Variants in SPTB observed in about 807,000 individuals in gnomAD.
SPTB encodes spectrin beta, erythrocytic, also known as spectrin beta chain, erythrocytic.
A neutral mutation model predicts 256.2 loss-of-function variants in SPTB; 45 were observed. The observed-to-expected ratio is 0.18, with a 90% confidence interval of 0.14 to 0.23. The LOEUF (loss-of-function observed/expected upper bound fraction) is 0.23, where lower values mean the gene tolerates loss of function less well. SPTB is among the 10% of genes least tolerant of loss of function. The probability of loss-of-function intolerance (pLI) is 1.00; values close to 1 mark genes in which losing one functional copy is unlikely to be tolerated. For missense variants in SPTB, 2,715 were observed against 3,040.4 expected (o/e 0.89, Z 2.52); for synonymous variants, 1,231 against 1,243.1 (o/e 0.99, Z 0.21).
intron 2 of SPTB, among the ~76,000 whole-genome samples, chr14:64,809,656 T>G (rs1259239742): frequency 6.6e-6 from 1 of 152,210 alleles, no homozygotes; most frequent in East Asian, 1.9e-4. Flanking sequence ...TGTGGAAAGC[T>G]TTGAATGAGA....
chr14:64,836,963 G>T (rs1010960072), intron 1 of SPTB, among the ~76,000 whole-genome samples: 20 of 152,170 alleles, frequency 1.3e-4, no homozygotes, highest in Non-Finnish European at 1.6e-4. Context: ...GGTGAGAAAC[G>T]GCTGGTCAGA....
chr14:64,791,913 G>C (rs2082682100), intron 14 of SPTB, 57 bp from the exon 15 acceptor site: 1 of 1,609,460 alleles, frequency 6.2e-7, no homozygotes, highest in Non-Finnish European at 8.5e-7. Flanking sequence ...ACATTTCCTT[G>C]CCAGTGGCAC....
At position 64,845,917 on chromosome 14, in the gene SPTB, C is replaced by T. The variant is rs574010512; in HGVS notation, c.-51-22772G>A. Among the ~76,000 whole-genome samples the T allele has an allele frequency of 6.6e-6, 1 of 152,286 alleles. No homozygotes were observed. Among genetic ancestry groups the T allele is most frequent in the South Asian group, 2.1e-4 (1 of 4,824 alleles). On this transcript the variant is annotated intron_variant, in intron 1 of 35. Transcript: ENST00000644917. The surrounding 1 kb of genome is among the most constrained non-coding windows in gnomAD (Gnocchi z 4.8). ...GACTTTCCAAAAAAAACCCGCTCTACATTTTATGCATAAAGTAGGTAGAGT... is the reference window on the plus strand; with the variant it reads ...GACTTTCCAAAAAAAACCCGCTCTATATTTTATGCATAAAGTAGGTAGAGT...
At chr14:64,878,629 G>A (rs183398927) in intron 1 of SPTB, among the ~76,000 whole-genome samples, 199 of 152,222 alleles carry the variant, frequency 1.3e-3, no homozygotes, top group Admixed American at 3.9e-3. Flanking sequence ...TCATTAGGGA[G>A]CCGCCTGAAT....
chr14:64,794,886 T>C (rs1439595485), intron 12 of SPTB, among the ~76,000 whole-genome samples: 1 of 152,214 alleles, frequency 6.6e-6, no homozygotes, highest in Non-Finnish European at 1.5e-5. Context: ...GGCCTGGCCA[T>C]GTGTATTTTC....
At position 64,779,196 on chromosome 14, in the gene SPTB, A is replaced by T. The variant is rs778282106; in HGVS notation, c.4524T>A (p.Thr1508=). Residue 1508 remains threonine (T), a synonymous_variant, in exon 22 of 36, where the codon ACT becomes ACA. Transcript: ENST00000644917. This position sits in a 1 kb window ranked among gnomAD's most constrained non-coding sequence, Gnocchi z 4.2. ...TGAACAGTTGCACAGTTTGCAGATT[A>T]GTGCCATAGTCGGCTGACTGGGCCA... The part of the protein sequence containing the change: ...LPLAQSADYG[T]NLQTVQLFMK... 1 of 1,614,086 alleles carries T rather than the reference A, an allele frequency of 6.2e-7. No individual in the cohort carries two copies. Among genetic ancestry groups the T allele is most frequent in the East Asian group, 2.2e-5 (1 of 44,876 alleles).
Position 64,764,403 on chromosome 14 carries a change from C to A in SPTB, c.6345+2323G>T, listed in dbSNP as rs569526573. Among the ~76,000 whole-genome samples, 8 of 152,336 alleles carry A rather than the reference C, an allele frequency of 5.3e-5. No individual in the cohort carries two copies. Among genetic ancestry groups the A allele is most frequent in the East Asian group, 1.9e-4 (1 of 5,180 alleles). ...AGCAGCAGGAAATCTGTGCGTGAGG[C>A]CTTGGGTCTGTGTTCGTTTGAGTCA... is the stretch of plus-strand genomic sequence containing the variant. On this transcript the variant is annotated intron_variant, in intron 32 of 35. Coordinates refer to ENST00000644917, the MANE Select transcript of SPTB (RefSeq NM_001355436.2). The surrounding 1 kb of genome is among the most constrained non-coding windows in gnomAD (Gnocchi z 4.2).
In SPTB at chr14:64,747,537, G is replaced by C. The variant is rs1292569401; in HGVS notation, c.*1769C>G. ...ATCGGATGACGTCTTCCTTCCTGTG[G>C]CTCCTGCCTGCTGCAGTTGGTGTCA... is the stretch of plus-strand genomic sequence containing the variant. On this transcript the variant is annotated 3_prime_UTR_variant, in exon 36 of 36. Transcript: ENST00000644917. 6.6e-6 allele frequency: 1 copy of C among 152,506 alleles called. No homozygotes were observed. Among genetic ancestry groups the C allele is most frequent in the East Asian group, 1.9e-4 (1 of 5,192 alleles). 9.4% of individuals were successfully genotyped at this position (152,506 alleles called of 1,614,324 possible).
At chr14:64,776,768 C>T (rs2082364619) in intron 22 of SPTB, among the ~76,000 whole-genome samples, 1 of 152,178 alleles carries the variant, frequency 6.6e-6, no homozygotes, top group African/African-American at 2.4e-5. Flanking sequence ...CCTTTTTAAC[C>T]AATTACTTTC....
rs1278230826 is a variant in SPTB, at chr14:64,793,772, C to A, written c.1891G>T (p.Ala631Ser). The change falls in exon 14 of 36, where the codon GCC becomes TCC. Residue 631 changes from alanine (A) to serine (S), a missense_variant. By Grantham distance (99) the Ala-to-Ser change is moderately conservative. Around this residue, in one of 4 missense-constraint regions of SPTB, gnomAD observed 2,239 missense variants for 2,384.4 expected, o/e 0.94. Transcript: ENST00000644917. The surrounding 1 kb of genome is among the most constrained non-coding windows in gnomAD (Gnocchi z 7.0). ...AGTCGTTTGGACTGCTCCAGTTGGG[C>A]CTTCCGCCCAGCTGCCATGTTGCTC... is the stretch of plus-strand genomic sequence containing the variant. The part of the protein sequence containing the change: ...ELSNMAAGRK[A>S]QLEQSKRLWK... 6 of 1,605,616 alleles carry A rather than the reference C, an allele frequency of 3.7e-6. 1 individual carries two copies. The highest frequency in any genetic ancestry group is 1.7e-4 in the Middle Eastern group (1 of 6,030).
intron 1 of SPTB, among the ~76,000 whole-genome samples, chr14:64,835,001 G>A (rs1307120071): frequency 6.6e-6 from 1 of 152,106 alleles, no homozygotes; most frequent in Non-Finnish European, 1.5e-5. Context: ...TAAGTTATGG[G>A]TGCCAATTTA....
chr14:64,830,056 CCTCT>C (rs369273810), intron 1 of SPTB, among the ~76,000 whole-genome samples: 20 of 152,302 alleles, frequency 1.3e-4, no homozygotes, highest in Middle Eastern at 3.4e-3. Context: ...CCCTGGTCAC[CCTCT>C]CTAAGGTAGC....
At chr14:64,833,566 A>G (rs1360808442) in intron 1 of SPTB, among the ~76,000 whole-genome samples, 1 of 151,156 alleles carries the variant, frequency 6.6e-6, no homozygotes, top group African/African-American at 2.4e-5. Flanking sequence ...AAAAAAAAAG[A>G]AAAGAAACCT....
chr14:64,855,710 G>A (rs1409457784), intron 1 of SPTB, among the ~76,000 whole-genome samples: 1 of 152,198 alleles, frequency 6.6e-6, no homozygotes, highest in Non-Finnish European at 1.5e-5. Context: ...CAAAATTCAT[G>A]AAAAATAAAT....
In SPTB at chr14:64,779,893, C is replaced by A. The variant is rs577158996; in HGVS notation, c.4305G>T (p.Leu1435=). 1.9e-5 allele frequency: 30 copies of A among 1,614,028 alleles called. No homozygotes were observed. The highest frequency in any genetic ancestry group is 2.5e-5 in the Non-Finnish European group (30 of 1,179,934). The change falls in exon 21 of 36, where the codon CTG becomes CTT. Residue 1435 remains leucine (L), a synonymous_variant. Coordinates refer to ENST00000644917, the MANE Select transcript of SPTB (RefSeq NM_001355436.2). This position sits in a 1 kb window ranked among gnomAD's most constrained non-coding sequence, Gnocchi z 4.2. ...EDQVNVRKEE[L]GELFAQVPSM... Reference sequence around the variant, plus strand: ...AAGGCACCTGGGCAAACAGCTCCCCCAGCTCCTCTTTTCGCACATTCACTT... The same window carrying A: ...AAGGCACCTGGGCAAACAGCTCCCCAAGCTCCTCTTTTCGCACATTCACTT...
At chr14:64,788,529 G>A (rs1193396451) in intron 15 of SPTB, among the ~76,000 whole-genome samples, 1 of 152,150 alleles carries the variant, frequency 6.6e-6, no homozygotes, top group Non-Finnish European at 1.5e-5. Context: ...GTGCCTGTCT[G>A]GCACACAGAT....
intron 32 of SPTB, chr14:64,763,939 C>T: frequency 3.9e-6 from 2 of 511,992 alleles, no homozygotes; most frequent in East Asian, 5.5e-5. Flanking sequence ...GGGTGCCACC[C>T]TGTGGTGTGC....
At chr14:64,803,212 G>A (rs1347770708) in intron 4 of SPTB, among the ~76,000 whole-genome samples, 1 of 152,178 alleles carries the variant, frequency 6.6e-6, no homozygotes, top group Non-Finnish European at 1.5e-5. Flanking sequence ...AGGGTGAGAA[G>A]AGAAAAGTTT....
chr14:64,877,087 C>T (rs922518313), intron 1 of SPTB, among the ~76,000 whole-genome samples: 1 of 151,812 alleles, frequency 6.6e-6, no homozygotes, highest in African/African-American at 2.4e-5. Flanking sequence ...TCCTATCACA[C>T]TGTCCCTATG....
Sources: gnomAD v4.1 joint callset for allele counts (sites outside exome capture counted in the v4.1 genomes callset) on GRCh38, gnomAD v4.1.1 for gene constraint, gnomAD v4.1.1 regional missense constraint, Gnocchi (gnomAD v3.1) non-coding constraint, MANE v1.5 for transcripts, NCBI Gene and HGNC (gene_info 2026-07-23, HGNC 2026-07-21) for gene names.